The following FNDC3A variants were observed in gnomAD, a reference collection of about 807,000 sequenced individuals.
The protein encoded by FNDC3A is fibronectin type III domain containing 3A.
A neutral mutation model predicts 148.9 loss-of-function variants in FNDC3A; 32 were observed. The observed-to-expected ratio is 0.21, with a 90% CI of 0.16 to 0.29. The LOEUF is 0.29. Ranked by LOEUF, FNDC3A falls within the 10% of genes least tolerant of loss-of-function variation. FNDC3A has a pLI of 1.00. For synonymous variants in FNDC3A, 472 were observed against 473.6 expected (o/e 1.00, Z 0.04); for missense variants, 1,191 against 1,452.8 (o/e 0.82, Z 2.93).
intron 3 of FNDC3A, among the ~76,000 whole-genome samples, chr13:49,088,488 T>C (rs976632150): frequency 1.2e-4 from 19 of 152,332 alleles, no homozygotes; most frequent in Admixed American, 6.5e-4. Flanking sequence ...GAATGATTGT[T>C]ACACTCTTGT....
chr13:49,153,259 C>G (rs1405262926), intron 8 of FNDC3A, among the ~76,000 whole-genome samples: 1 of 152,018 alleles, frequency 6.6e-6, no homozygotes, highest in Non-Finnish European at 1.5e-5. Flanking sequence ...TTGCATTTCT[C>G]TGATGGCCAG....
chr13:49,145,441 A>G (rs1882938222), intron 7 of FNDC3A, among the ~76,000 whole-genome samples: 1 of 152,120 alleles, frequency 6.6e-6, no homozygotes, highest in Non-Finnish European at 1.5e-5. Context: ...AGTTTTTGTC[A>G]TCCTCCTGTT....
chr13:49,070,170 C>T (rs1877551916), intron 2 of FNDC3A, among the ~76,000 whole-genome samples: 1 of 151,834 alleles, frequency 6.6e-6, no homozygotes, highest in Non-Finnish European at 1.5e-5. Context: ...CTTGCACTGT[C>T]ACCCGGGCTG....
At chr13:49,070,975 T>C (rs1374015041) in intron 2 of FNDC3A, among the ~76,000 whole-genome samples, 1 of 146,090 alleles carries the variant, frequency 6.8e-6, no homozygotes, top group Admixed American at 7.0e-5. Flanking sequence ...CGTAGCTCAC[T>C]ACAGTCTTGA....
chr13:49,134,432 C>T (rs1593638904), intron 5 of FNDC3A, among the ~76,000 whole-genome samples: 1 of 152,150 alleles, frequency 6.6e-6, no homozygotes, highest in South Asian at 2.1e-4. Flanking sequence ...CATTTTATCA[C>T]TCATTAGCTG....
intron 2 of FNDC3A, among the ~76,000 whole-genome samples, chr13:49,053,570 T>G (rs1876007913): frequency 6.6e-6 from 1 of 152,126 alleles, no homozygotes; most frequent in Non-Finnish European, 1.5e-5. Flanking sequence ...GTGGAATAAC[T>G]CAAGGGGTGT....
chr13:49,053,846 T>G (rs1189974612), intron 2 of FNDC3A, among the ~76,000 whole-genome samples: 2 of 152,166 alleles, frequency 1.3e-5, no homozygotes, highest in African/African-American at 2.4e-5. Flanking sequence ...GGGAAGAAGA[T>G]TCTCTAGAAT....
At position 49,198,542 on chromosome 13, in the gene FNDC3A, G is replaced by T; in HGVS notation, c.2955G>T (p.Gln985His). 6.2e-7 allele frequency: 1 copy of T among 1,614,094 alleles called. No individual in the cohort carries two copies. Among genetic ancestry groups the T allele is most frequent in the Non-Finnish European group, 8.5e-7 (1 of 1,179,936 alleles). Residue 985 changes from glutamine (Q) to histidine (H), a missense_variant, in exon 23 of 26, where the codon CAG becomes CAT. By Grantham distance (24) the Gln-to-His change is conservative. Transcript: ENST00000492622. ...AGACATTGTCAACCGATTCTATTCA[G>T]TACCACCTTCAGATGGAGGATAAGA... The part of the protein sequence containing the change: ...TPKTLSTDSI[Q>H]YHLQMEDKNG...
At chr13:49,190,133 G>A (rs1179399148) in intron 17 of FNDC3A, among the ~76,000 whole-genome samples, 6 of 152,076 alleles carry the variant, frequency 3.9e-5, no homozygotes, top group African/African-American at 1.4e-4. Flanking sequence ...TGATCCACCC[G>A]CCTCAGCCTC....
At chr13:49,155,096 C>A (rs1288438498) in intron 8 of FNDC3A, among the ~76,000 whole-genome samples, 2 of 140,774 alleles carry the variant, frequency 1.4e-5, no homozygotes, top group Non-Finnish European at 3.1e-5. Context: ...AGGAATGGTA[C>A]CAGTTCCTCC....
intron 7 of FNDC3A, among the ~76,000 whole-genome samples, chr13:49,144,961 A>C (rs138365322): frequency 3.3e-5 from 5 of 152,182 alleles, no homozygotes; most frequent in African/African-American, 1.2e-4. Flanking sequence ...GAGCACTTGC[A>C]GAATAATATG....
chr13:49,049,581 T>C (rs1306848767), intron 2 of FNDC3A, among the ~76,000 whole-genome samples: 1 of 152,226 alleles, frequency 6.6e-6, no homozygotes, highest in East Asian at 1.9e-4. Context: ...CTCTAGGTTT[T>C]CTAATTTATA....
intron 2 of FNDC3A, among the ~76,000 whole-genome samples, chr13:49,026,378 T>G (rs1873716880): frequency 6.6e-6 from 1 of 152,260 alleles, no homozygotes; most frequent in African/African-American, 2.4e-5. Flanking sequence ...TCTAGTTGAT[T>G]CTGGAAAGTA....
At chr13:49,032,450 C>G (rs1874188336) in intron 2 of FNDC3A, among the ~76,000 whole-genome samples, 1 of 152,118 alleles carries the variant, frequency 6.6e-6, no homozygotes, top group African/African-American at 2.4e-5. Context: ...TGGCTGTAAA[C>G]TGGAATGAAG....
intron 21 of FNDC3A, 46 bp downstream of exon 21, chr13:49,197,920 A>G: frequency 6.3e-7 from 1 of 1,588,120 alleles, no homozygotes; most frequent in Non-Finnish European, 8.5e-7. Flanking sequence ...CCAGAGTTTT[A>G]TATTTCATTG....
In FNDC3A at chr13:49,126,378, C is replaced by T. The variant is rs148544503; in HGVS notation, c.253-4759C>T. Among the ~76,000 whole-genome samples, 372 of 152,166 alleles carry T rather than the reference C, an allele frequency of 2.4e-3. 2 individuals are homozygous for T. The highest frequency in any genetic ancestry group is 8.5e-3 in the African/African-American group (354 of 41,508). On this transcript the variant is annotated intron_variant, in intron 4 of 25. Coordinates refer to ENST00000492622, the MANE Select transcript of FNDC3A (RefSeq NM_001079673.2). ...AGGTACATTTACAGCATTGCACTAC[C>T]AGCTCCACCCTCCATCCACAGAACT...
rs186515468 is a variant in FNDC3A at position 49,062,812 on chromosome 13, T to A, written c.100-12477T>A. The stretch of plus-strand genomic sequence containing the variant: ...CTGGGAACTCCTTGATGCCTTGGAC[T>A]GTGATTTATTTTTCTTCTTTTGGTG... On this transcript the variant is annotated intron_variant, in intron 2 of 25. Coordinates refer to ENST00000492622, the MANE Select transcript of FNDC3A (RefSeq NM_001079673.2). 1.5e-3 allele frequency among the ~76,000 whole-genome samples: 235 copies of A among 152,308 alleles called. 2 individuals carry two copies. Among genetic ancestry groups the A allele is most frequent in the Non-Finnish European group, 2.5e-4 (17 of 68,022 alleles).
chr13:48,978,493 T>A (rs1157609917), intron 1 of FNDC3A, among the ~76,000 whole-genome samples: 5 of 152,214 alleles, frequency 3.3e-5, no homozygotes, highest in Non-Finnish European at 5.9e-5. Flanking sequence ...AAAATACAAT[T>A]TGATGAAGTA....
At chr13:49,071,808 A>G (rs1877716901) in intron 2 of FNDC3A, among the ~76,000 whole-genome samples, 1 of 151,340 alleles carries the variant, frequency 6.6e-6, no homozygotes, top group South Asian at 2.1e-4. Context: ...TAGTTTGCAG[A>G]TATTTTCTCC....
Sources: allele counts gnomAD v4.1 joint callset (sites outside exome capture counted in the v4.1 genomes callset), GRCh38; gene constraint gnomAD v4.1.1; transcripts MANE v1.5; gene names NCBI Gene and HGNC (gene_info 2026-07-23, HGNC 2026-07-21).